Variants in SYN2 observed in about 807,000 individuals in gnomAD.
SYN2 encodes the protein synapsin II, also known as synapsin-2.
A neutral mutation model predicts 50.9 loss-of-function variants in SYN2; 19 were observed. That is an observed-to-expected ratio of 0.37 (90% CI 0.26 to 0.55). The LOEUF (loss-of-function observed/expected upper bound fraction) is 0.55. Among genes scored for constraint, SYN2 ranks in the 20% least tolerant of loss-of-function variants. The pLI, the probability that SYN2 is intolerant of heterozygous loss-of-function variation, is 0.81. For missense variants in SYN2, 587 were observed against 576.4 expected (o/e 1.02, Z -0.19); for synonymous variants, 255 against 224.9 (o/e 1.13, Z -1.20).
At chr3:12,159,542 T>C (rs964035259) in intron 5 of SYN2, among the ~76,000 whole-genome samples, 2 of 152,092 alleles carry the variant, frequency 1.3e-5, no homozygotes, top group African/African-American at 2.4e-5. Flanking sequence ...GCCAGTGCTT[T>C]AGAAACCCTT....
chr3:12,095,570 A>ACATTGGCCGGGC, intron 1 of SYN2, among the ~76,000 whole-genome samples: 1 of 124,908 alleles, frequency 8.0e-6, no homozygotes, highest in African/African-American at 3.0e-5. Context: ...AAAAAAAAAA[A>ACATTGGCCGGGC]AAAGGACCAT....
intron 1 of SYN2, among the ~76,000 whole-genome samples, chr3:12,072,733 A>G (rs942890252): frequency 7.2e-5 from 11 of 152,044 alleles, no homozygotes; most frequent in Non-Finnish European, 1.2e-4. Flanking sequence ...CTGTTTTTCT[A>G]TCATGGGTCC....
chr3:12,013,150 G>A (rs1178358370), intron 1 of SYN2, among the ~76,000 whole-genome samples: 1 of 152,114 alleles, frequency 6.6e-6, no homozygotes, highest in African/African-American at 2.4e-5. Flanking sequence ...AAATAGTTTT[G>A]TAAAGACAAG....
chr3:12,109,810 T>A (rs1333432049), intron 1 of SYN2, among the ~76,000 whole-genome samples: 1 of 152,192 alleles, frequency 6.6e-6, no homozygotes, highest in East Asian at 1.9e-4. Context: ...GAAATTCAGA[T>A]CTAAGTTTGT....
chr3:12,163,266 A>G (rs1697701537), intron 7 of SYN2, among the ~76,000 whole-genome samples: 1 of 151,864 alleles, frequency 6.6e-6, no homozygotes. Flanking sequence ...AAAGAGAAAA[A>G]GTTTACAGTG....
At chr3:12,112,853 G>A (rs934605087) in intron 1 of SYN2, among the ~76,000 whole-genome samples, 4 of 152,106 alleles carry the variant, frequency 2.6e-5, no homozygotes, top group Admixed American at 1.3e-4. Flanking sequence ...AGTCATATCC[G>A]GTTAGCATAT....
At chr3:12,165,264 C>A (rs538444273) in intron 7 of SYN2, 1 of 152,172 alleles carries the variant, frequency 6.6e-6, no homozygotes, top group African/African-American at 2.4e-5. Flanking sequence ...GGATTACAGG[C>A]GTGAGCCTCC....
In SYN2 at chr3:12,177,791, A is replaced by G. The variant is rs1698116895; in HGVS notation, c.1309-5521A>G. Among the ~76,000 whole-genome samples, 4 of 152,204 alleles carry G rather than the reference A, an allele frequency of 2.6e-5. No individual in the cohort carries two copies. In the South Asian group the frequency reaches 8.3e-4, roughly 31 times the overall value. ...TTCAGGGACATCTTTAATCATTTGA[A>G]GCTGACATTCTGACCTTGAGTGACC... On this transcript the variant is annotated intron_variant, in intron 10 of 12. Coordinates refer to ENST00000621198, the MANE Select transcript of SYN2 (RefSeq NM_133625.6).
At chr3:12,111,573 T>A (rs1219273125) in intron 1 of SYN2, among the ~76,000 whole-genome samples, 1 of 152,218 alleles carries the variant, frequency 6.6e-6, no homozygotes, top group African/African-American at 2.4e-5. Context: ...GCACTCCTAT[T>A]TGATGGTTTG....
At chr3:12,173,091 C>A (rs1697973868) in intron 10 of SYN2, among the ~76,000 whole-genome samples, 1 of 152,184 alleles carries the variant, frequency 6.6e-6, no homozygotes, top group Non-Finnish European at 1.5e-5. Context: ...ATCACCATTT[C>A]TCAGATGGTA....
chr3:12,178,157 G>A (rs994266161), intron 10 of SYN2, among the ~76,000 whole-genome samples: 1 of 152,294 alleles, frequency 6.6e-6, no homozygotes, highest in Admixed American at 6.5e-5. Flanking sequence ...GGGGCCTGGG[G>A]GAGCTGATCA....
At chr3:12,156,757 C>T (rs575278623) in intron 5 of SYN2, 1 of 1,389,350 alleles carries the variant, frequency 7.2e-7, no homozygotes, top group Non-Finnish European at 1.0e-6. Flanking sequence ...TGGCTCCTTT[C>T]TCACTACCTC....
At chr3:12,118,998 C>CCTCACAT (rs1373580929) in intron 1 of SYN2, among the ~76,000 whole-genome samples, 2 of 151,878 alleles carry the variant, frequency 1.3e-5, no homozygotes, top group African/African-American at 4.8e-5. Flanking sequence ...ACGTGTTTCC[C>CCTCACAT]CTCACATCTC....
chr3:12,189,817 C>CA (rs1698413159), intron 12 of SYN2, among the ~76,000 whole-genome samples: 1 of 151,664 alleles, frequency 6.6e-6, no homozygotes, highest in African/African-American at 2.4e-5. Context: ...CAAAACAAAA[C>CA]AAACAAAAAG....
chr3:12,104,573 T>TC (rs1553615260), intron 1 of SYN2, among the ~76,000 whole-genome samples: 8 of 125,316 alleles, frequency 6.4e-5, no homozygotes, highest in South Asian at 2.9e-4. Context: ...TTCTTTTCTT[T>TC]TTTTTTTTTT....
intron 11 of SYN2, chr3:12,185,777 T>C: frequency 1.0e-6 from 1 of 985,582 alleles, no homozygotes; most frequent in South Asian, 4.7e-5. Context: ...TCTGCACAAA[T>C]GGGAAAGCAC....
At chr3:12,047,644 G>A (rs1010657004) in intron 1 of SYN2, among the ~76,000 whole-genome samples, 21 of 152,154 alleles carry the variant, frequency 1.4e-4, no homozygotes, top group Admixed American at 5.9e-4. Context: ...GGAAGTTTAA[G>A]TTATTGAAAT....
intron 1 of SYN2, among the ~76,000 whole-genome samples, chr3:12,103,715 G>A (rs1404112667): frequency 6.6e-6 from 1 of 152,014 alleles, no homozygotes; most frequent in East Asian, 1.9e-4. Flanking sequence ...ATAATTTCAA[G>A]AATAACCCCT....
At chr3:12,099,545 G>A (rs1185520343) in intron 1 of SYN2, among the ~76,000 whole-genome samples, 2 of 152,076 alleles carry the variant, frequency 1.3e-5, no homozygotes, top group East Asian at 3.9e-4. Flanking sequence ...ATAGGTAAAA[G>A]CATTGCCTAG....
Sources: allele counts gnomAD v4.1 joint callset (sites outside exome capture counted in the v4.1 genomes callset), GRCh38; gene constraint gnomAD v4.1.1; transcripts MANE v1.5; gene names NCBI Gene and HGNC (gene_info 2026-07-23, HGNC 2026-07-21).